The following PID1 variants were observed in gnomAD, a reference collection of about 807,000 sequenced individuals.
PID1 encodes the protein phosphotyrosine interaction domain containing 1.
In PID1, 10 loss-of-function variants were observed where a neutral mutation model predicts 19.1. That is an observed-to-expected ratio of 0.52 (90% CI 0.32 to 0.89). The LOEUF (loss-of-function observed/expected upper bound fraction) is 0.89. PID1 is among the 40% of genes least tolerant of loss of function. PID1 has a pLI of 0.03. For missense variants in PID1, 248 were observed against 285.3 expected (o/e 0.87, Z 0.94); for synonymous variants, 130 against 116.0 (o/e 1.12, Z -0.78).
intron 1 of PID1, among the ~76,000 whole-genome samples, chr2:229,228,351 T>C (rs1692128085): frequency 6.6e-6 from 1 of 152,228 alleles, no homozygotes; most frequent in South Asian, 2.1e-4. Context: ...TCATTACATC[T>C]AGAACAATCC....
intron 1 of PID1, among the ~76,000 whole-genome samples, chr2:229,205,443 C>A (rs1264995317): frequency 1.3e-5 from 2 of 152,102 alleles, no homozygotes; most frequent in Admixed American, 6.6e-5. Flanking sequence ...AAATTCACAT[C>A]TTCCACAAAT....
intron 1 of PID1, among the ~76,000 whole-genome samples, chr2:229,239,210 C>T (rs1173168445): frequency 5.9e-5 from 9 of 152,046 alleles, no homozygotes; most frequent in African/African-American, 1.4e-4. Flanking sequence ...AGTAAGCTAG[C>T]GGGAGGGGCC....
chr2:229,271,029 G>A lies in PID1; in HGVS notation c.15C>T (p.Ala5=). ...TGCCCCTTACCTGCAGGCGCTCCGT[G>A]GCCGGCTGCCACATCTTCCAGCCCT... MWQP[A]TERLQHFQTM... Residue 5 remains alanine (A), a synonymous_variant, in exon 1 of 3, where the codon GCC becomes GCT. Transcript: ENST00000392055. 1 of 1,543,256 alleles carries A rather than the reference G, an allele frequency of 6.5e-7. No homozygotes were observed.
intron 1 of PID1, among the ~76,000 whole-genome samples, chr2:229,190,774 G>A (rs953083936): frequency 2.0e-5 from 3 of 151,076 alleles, no homozygotes; most frequent in Non-Finnish European, 2.9e-5. Context: ...TGTTTTTTCT[G>A]TCTCATTCAA....
rs189478445 is a variant in PID1 at position 229,186,343 on chromosome 2, C to T, written c.31-30379G>A. ...TTCTGGAGTCTGGAGGATGGTGGCC[C>T]TCTTCTCAGAGCTCCATTAGGTGAC... On this transcript the variant is annotated intron_variant, in intron 1 of 2. Transcript: ENST00000392055. 5.3e-5 allele frequency among the ~76,000 whole-genome samples: 8 copies of T among 152,300 alleles called. No individual in the cohort carries two copies. In the South Asian group the frequency reaches 1.4e-3, roughly 28 times the overall value.
At chr2:229,095,062 C>A (rs114313370) in intron 2 of PID1, among the ~76,000 whole-genome samples, 256 of 152,200 alleles carry the variant, frequency 1.7e-3, no homozygotes, top group Middle Eastern at 0.01. Context: ...GCCAAAGACA[C>A]GTAGCTCCTG....
At chr2:229,048,314 T>C (rs1693923499) in intron 2 of PID1, among the ~76,000 whole-genome samples, 1 of 152,136 alleles carries the variant, frequency 6.6e-6, no homozygotes, top group African/African-American at 2.4e-5. Context: ...CCCATCCACA[T>C]TGTGCCAATC....
intron 2 of PID1, among the ~76,000 whole-genome samples, chr2:229,056,733 C>T (rs982566713): frequency 3.3e-5 from 5 of 151,760 alleles, no homozygotes; most frequent in Admixed American, 2.0e-4. Context: ...ACATTTCTTG[C>T]GAAAATCAAT....
intron 1 of PID1, among the ~76,000 whole-genome samples, chr2:229,189,479 G>A (rs537456314): frequency 7.2e-5 from 11 of 152,322 alleles, no homozygotes; most frequent in African/African-American, 2.2e-4. Flanking sequence ...TGGATCACCC[G>A]AAGACAGGAG....
intron 1 of PID1, among the ~76,000 whole-genome samples, chr2:229,162,938 T>C (rs1332474709): frequency 1.3e-5 from 2 of 152,180 alleles, no homozygotes; most frequent in Non-Finnish European, 2.9e-5. Flanking sequence ...TTCACAGAAA[T>C]AAATGACATA....
At chr2:229,236,952 A>C (rs1689711513) in intron 1 of PID1, among the ~76,000 whole-genome samples, 1 of 149,306 alleles carries the variant, frequency 6.7e-6, no homozygotes, top group Non-Finnish European at 1.5e-5. Context: ...GTGTCCCGCA[A>C]AGCCTAGCAT....
chr2:229,179,745 C>G (rs942579253), intron 1 of PID1, among the ~76,000 whole-genome samples: 3 of 152,210 alleles, frequency 2.0e-5, no homozygotes, highest in African/African-American at 7.2e-5. Flanking sequence ...CAGATTTTAT[C>G]TAGCTGTTTG....
At chr2:229,137,140 C>A (rs1267356174) in intron 2 of PID1, among the ~76,000 whole-genome samples, 1 of 152,146 alleles carries the variant, frequency 6.6e-6, no homozygotes, top group Non-Finnish European at 1.5e-5. Context: ...TCTCTGCATA[C>A]ATTATCAGTT....
intron 1 of PID1, among the ~76,000 whole-genome samples, chr2:229,243,821 T>G (rs1689934513): frequency 6.6e-6 from 1 of 152,000 alleles, no homozygotes; most frequent in African/African-American, 2.4e-5. Context: ...TCATGTATTT[T>G]TACACAAAGT....
intron 1 of PID1, among the ~76,000 whole-genome samples, chr2:229,204,573 G>A (rs1053458541): frequency 6.6e-6 from 1 of 152,034 alleles, no homozygotes; most frequent in Non-Finnish European, 1.5e-5. Flanking sequence ...TGATTAGTTT[G>A]TCCACCTACC....
At chr2:229,145,816 T>C (rs1311671183) in intron 2 of PID1, among the ~76,000 whole-genome samples, 1 of 151,860 alleles carries the variant, frequency 6.6e-6, no homozygotes, top group East Asian at 1.9e-4. Context: ...GTAGAACAGG[T>C]TAAAAAAACC....
Position 229,190,349 on chromosome 2 carries a change from T to C in PID1, c.31-34385A>G, listed in dbSNP as rs948370474. On this transcript the variant is annotated intron_variant, in intron 1 of 2. Coordinates refer to ENST00000392055, the MANE Select transcript of PID1 (RefSeq NM_001100818.2). Reference sequence around the variant, plus strand: ...ATAGAGTTGAACCAGCCCCGAGCTATACCCCAGGCTGCAGGAGGGGCAGGA... The same window carrying C: ...ATAGAGTTGAACCAGCCCCGAGCTACACCCCAGGCTGCAGGAGGGGCAGGA... 1.7e-4 allele frequency among the ~76,000 whole-genome samples: 26 copies of C among 152,320 alleles called. No homozygotes were observed. In the South Asian group the frequency reaches 3.9e-3, roughly 23 times the overall value.
intron 2 of PID1, among the ~76,000 whole-genome samples, chr2:229,037,226 T>C (rs1040546763): frequency 2.0e-5 from 3 of 152,176 alleles, no homozygotes; most frequent in African/African-American, 4.8e-5. Flanking sequence ...AAAATATTAA[T>C]AGAAATTTTA....
At chr2:229,085,616 A>G (rs899373920) in intron 2 of PID1, among the ~76,000 whole-genome samples, 3 of 152,202 alleles carry the variant, frequency 2.0e-5, no homozygotes, top group Non-Finnish European at 4.4e-5. Context: ...CCCATGAAGA[A>G]ACATTGCTTA....
Sources: gnomAD v4.1 joint callset for allele counts (sites outside exome capture counted in the v4.1 genomes callset) on GRCh38, gnomAD v4.1.1 for gene constraint, MANE v1.5 for transcripts, NCBI Gene and HGNC (gene_info 2026-07-23, HGNC 2026-07-21) for gene names.